Variants in LRCH1 observed in about 807,000 individuals in gnomAD.
LRCH1 encodes the protein leucine-rich repeat and calponin homology domain-containing protein 1.
LRCH1 carries 23 observed loss-of-function variants against 94.9 expected under a neutral mutation model. The ratio of observed to expected loss-of-function variants is 0.24; its 90% CI spans 0.17 to 0.34. The LOEUF (loss-of-function observed/expected upper bound fraction) is 0.34, where lower values mean the gene tolerates loss of function less well. LRCH1 is among the 10% of genes least tolerant of loss of function. LRCH1 has a pLI of 1.00. For synonymous variants in LRCH1, 364 were observed against 354.9 expected, an observed-to-expected ratio of 1.03 and a Z score of -0.29; for missense variants, 790 against 945.9, an observed-to-expected ratio of 0.84 and a Z score of 2.16.
intron 1 of LRCH1, among the ~76,000 whole-genome samples, chr13:46,623,987 G>C (rs370116732): frequency 6.6e-6 from 1 of 151,470 alleles, no homozygotes; most frequent in Non-Finnish European, 1.5e-5. Context: ...GGGCTCAATC[G>C]ATCCTCCCGC....
Position 46,741,757 on chromosome 13 carries a change from G to T in LRCH1, c.2201G>T (p.Arg734Leu). 1.9e-6 allele frequency: 3 copies of T among 1,614,130 alleles called. No homozygotes were observed. The highest frequency in any genetic ancestry group is 2.5e-6 in the Non-Finnish European group (3 of 1,180,032). ...GCCCCACCACCAACTTCTGCCCTCC[G>T]CTCCAGGGACCTTATAGGCTTCTGT... Reference protein sequence around the residue: ...EKAPPPTSALRSRDLIGFCLV... With the variant: ...EKAPPPTSALLSRDLIGFCLV... The change falls in exon 20 of 20, where the codon CGC becomes CTC. Residue 734 changes from arginine to leucine, a missense_variant. Arg to Leu is a moderately radical substitution (Grantham distance 102). Transcript: ENST00000389797.
intron 9 of LRCH1, among the ~76,000 whole-genome samples, chr13:46,697,499 A>G (rs1242902718): frequency 6.6e-6 from 1 of 152,228 alleles, no homozygotes; most frequent in Non-Finnish European, 1.5e-5. Context: ...TTCTGAACAC[A>G]AGGCAGCACT....
intron 1 of LRCH1, among the ~76,000 whole-genome samples, chr13:46,595,934 G>A (rs1300063788): frequency 6.6e-6 from 1 of 151,102 alleles, no homozygotes; most frequent in African/African-American, 2.4e-5. Context: ...ATTAAGAATG[G>A]CAGCTATGTC....
chr13:46,736,355 G>A (rs939663768), intron 19 of LRCH1, among the ~76,000 whole-genome samples: 3 of 152,076 alleles, frequency 2.0e-5, no homozygotes, highest in African/African-American at 7.2e-5. Flanking sequence ...AAAACAACAT[G>A]TTTTCATCTC....
chr13:46,699,480 T>C (rs541747843), intron 10 of LRCH1, 77 bp downstream of exon 10: 33 of 1,324,696 alleles, frequency 2.5e-5, no homozygotes, highest in Admixed American at 5.1e-5. Flanking sequence ...TCTGTTGTGA[T>C]AGAATTTTGA....
chr13:46,723,769 C>A (rs1016982213), intron 17 of LRCH1, among the ~76,000 whole-genome samples: 1 of 151,904 alleles, frequency 6.6e-6, no homozygotes, highest in Non-Finnish European at 1.5e-5. Context: ...CACTTCACTT[C>A]AGCCTGGGTG....
intron 1 of LRCH1, among the ~76,000 whole-genome samples, chr13:46,556,763 A>C (rs2050070608): frequency 6.6e-6 from 1 of 152,158 alleles, no homozygotes; most frequent in South Asian, 2.1e-4. Context: ...ATTCTCATCA[A>C]GCAGAGGGAA....
intron 19 of LRCH1, among the ~76,000 whole-genome samples, chr13:46,738,410 G>A (rs758441055): frequency 2.0e-5 from 3 of 152,098 alleles, no homozygotes; most frequent in Non-Finnish European, 4.4e-5. Flanking sequence ...TTTCATATTC[G>A]CATTTTTTGT....
intron 8 of LRCH1, among the ~76,000 whole-genome samples, chr13:46,693,947 T>G (rs947233397): frequency 6.6e-6 from 1 of 152,168 alleles, no homozygotes; most frequent in African/African-American, 2.4e-5. Context: ...CACTCAAACC[T>G]TAGTGTTGGC....
intron 14 of LRCH1, 130 bp downstream of exon 14, chr13:46,711,974 ACTCT>A: frequency 3.1e-6 from 2 of 637,456 alleles, no homozygotes; most frequent in Non-Finnish European, 5.4e-6. Context: ...AATCCGTCTA[ACTCT>A]CATTAGCTAT....
In LRCH1 at chr13:46,681,812, T is replaced by A; in HGVS notation, c.651T>A (p.Asn217Lys). ...AGTTGAAATCTCTACGAGAACTGAATGTCAGAAGAAATTACCTTAAAGTTT... is the reference window on the plus strand; with the variant it reads ...AGTTGAAATCTCTACGAGAACTGAAAGTCAGAAGAAATTACCTTAAAGTTT... ...IGQLKSLREL[N>K]VRRNYLKVLP... Residue 217 changes from asparagine (N) to lysine (K), a missense_variant, in exon 4 of 20, where the codon AAT (asparagine) becomes AAA (lysine). Coordinates refer to ENST00000389797, the MANE Select transcript of LRCH1 (RefSeq NM_001164211.2). 1 of 1,613,286 alleles carries A rather than the reference T, an allele frequency of 6.2e-7. No homozygotes were observed. The highest frequency in any genetic ancestry group is 8.5e-7 in the Non-Finnish European group (1 of 1,179,374).
intron 1 of LRCH1, among the ~76,000 whole-genome samples, chr13:46,588,485 A>G (rs934036456): frequency 6.6e-6 from 1 of 152,202 alleles, no homozygotes; most frequent in Non-Finnish European, 1.5e-5. Context: ...TTATTGTATA[A>G]AATGTTAAAT....
At chr13:46,739,255 G>A (rs1401681260) in intron 19 of LRCH1, among the ~76,000 whole-genome samples, 1 of 152,146 alleles carries the variant, frequency 6.6e-6, no homozygotes, top group Non-Finnish European at 1.5e-5. Context: ...CTGGTTGTGT[G>A]CAACCTAAGT....
chr13:46,725,025 T>TA (rs1396671024), intron 17 of LRCH1, among the ~76,000 whole-genome samples: 1 of 152,082 alleles, frequency 6.6e-6, no homozygotes, highest in Non-Finnish European at 1.5e-5. Context: ...TACACAGCCA[T>TA]AAAAAAGAAT....
intron 4 of LRCH1, among the ~76,000 whole-genome samples, chr13:46,682,073 A>G (rs1056042454): frequency 1.3e-5 from 2 of 152,094 alleles, no homozygotes; most frequent in Non-Finnish European, 2.9e-5. Flanking sequence ...TCCCCTAGGT[A>G]ATGCTGTGGG....
intron 1 of LRCH1, among the ~76,000 whole-genome samples, chr13:46,633,350 G>A (rs748200053): frequency 2.6e-4 from 39 of 152,306 alleles, no homozygotes; most frequent in Admixed American, 5.2e-4. Flanking sequence ...AGCATGGATC[G>A]TGTTGGTTCC....
Position 46,687,838 on chromosome 13 carries a change from T to C in LRCH1, c.823-14T>C. On this transcript the variant is annotated splice_polypyrimidine_tract_variant and intron_variant, in intron 5 of 19. Coordinates refer to ENST00000389797, the MANE Select transcript of LRCH1 (RefSeq NM_001164211.2). ...ATTGAAAAATGAATATGATTGCTATTAATTTCTTTGTAGATTTGCACAAAG... is the reference window on the plus strand; with the variant it reads ...ATTGAAAAATGAATATGATTGCTATCAATTTCTTTGTAGATTTGCACAAAG... 1.9e-6 allele frequency: 3 copies of C among 1,603,332 alleles called. No individual in the cohort carries two copies. Among genetic ancestry groups the C allele is most frequent in the Middle Eastern group, 1.7e-4 (1 of 6,016 alleles).
intron 1 of LRCH1, among the ~76,000 whole-genome samples, chr13:46,633,048 A>G (rs999632545): frequency 3.3e-5 from 5 of 152,250 alleles, no homozygotes; most frequent in Non-Finnish European, 5.9e-5. Context: ...TAGCCTTAAC[A>G]TTCATGCTTC....
intron 16 of LRCH1, among the ~76,000 whole-genome samples, chr13:46,721,368 C>T (rs1308958881): frequency 6.6e-6 from 1 of 152,230 alleles, no homozygotes; most frequent in Non-Finnish European, 1.5e-5. Context: ...TTATCCAACT[C>T]TATCTGCATT....
Sources: gnomAD v4.1 joint callset for allele counts (sites outside exome capture counted in the v4.1 genomes callset) on GRCh38, gnomAD v4.1.1 for gene constraint, MANE v1.5 for transcripts, NCBI Gene and HGNC (gene_info 2026-07-23, HGNC 2026-07-21) for gene names.